The following DOCK11 variants were observed in gnomAD, a reference collection of about 807,000 sequenced individuals.
The protein encoded by DOCK11 is dedicator of cytokinesis protein 11.
Under a neutral mutation model 169.1 loss-of-function variants are expected in DOCK11, and 70 were observed. The ratio of observed to expected loss-of-function variants is 0.41; its 90% CI spans 0.34 to 0.51. The LOEUF (loss-of-function observed/expected upper bound fraction) is 0.51, where lower values mean the gene tolerates loss of function less well. Ranked by LOEUF, DOCK11 falls within the 20% of genes least tolerant of loss-of-function variation. The pLI is 0.10. For synonymous variants in DOCK11, 529 were observed against 541.3 expected (o/e 0.98, Z 0.32); for missense variants, 1,166 against 1,538.8 (o/e 0.76, Z 4.05).
chrX:118,509,766 A>T (rs2057637915), intron 1 of DOCK11, among the ~76,000 whole-genome samples: 1 of 112,452 alleles, frequency 8.9e-6, no homozygotes, highest in Admixed American at 9.4e-5. Flanking sequence ...AATTGGTTTC[A>T]CTGAGCTAAA....
chrX:118,647,664 T>C (rs2015737176), intron 40 of DOCK11, among the ~76,000 whole-genome samples: 1 of 53,375 alleles, frequency 1.9e-5, no homozygotes, highest in African/African-American at 8.0e-5. Context: ...ATATTATATA[T>C]TAATAATTAT....
At position 118,680,118 on chromosome X, in the gene DOCK11, G is replaced by A. The variant is rs189657965; in HGVS notation, c.5461-364G>A. On this transcript the variant is annotated intron_variant, in intron 48 of 52. Transcript: ENST00000276202. Reference sequence around the variant, plus strand: ...ATTTTTGTGTTTTTAGTAGAGACAAGGTTTCACCATGTTGGCCAGGCTGGT... The same window carrying A: ...ATTTTTGTGTTTTTAGTAGAGACAAAGTTTCACCATGTTGGCCAGGCTGGT... 4.3e-3 allele frequency among the ~76,000 whole-genome samples: 469 copies of A among 108,593 alleles called. 4 individuals are homozygous for A. The highest frequency in any genetic ancestry group is 0.014 in the African/African-American group (403 of 29,805). The allele number at this position is 108,593 out of a possible 115,157, so 94.3% of individuals were successfully genotyped here. A position where few individuals can be genotyped will look rare whatever the true frequency, so the allele number is the denominator to read the frequency against.
intron 45 of DOCK11, among the ~76,000 whole-genome samples, chrX:118,670,226 T>C (rs1389648547): frequency 8.9e-6 from 1 of 111,888 alleles, no homozygotes; most frequent in African/African-American, 3.2e-5. Flanking sequence ...AATTCGATTT[T>C]CTAAAGGACA....
In DOCK11 at chrX:118,632,969, T is replaced by TGG. The variant is rs766019635; in HGVS notation, c.3886+2489_3886+2490dup. 298 of 35,797 alleles carry TGG rather than the reference T, an allele frequency of 8.3e-3. 9 individuals carry two copies. Among genetic ancestry groups the TGG allele is most frequent in the African/African-American group, 0.039 (257 of 6,578 alleles). The allele number at this position is 35,797 out of a possible 1,213,427, so 3.0% of individuals were successfully genotyped here. ...TAAGAGAGAAGGTGGTGGGGGGCGGTGGGGGGGGGGGTGAGGGGGGTGGGG... is the reference window on the plus strand; with the variant it reads ...TAAGAGAGAAGGTGGTGGGGGGCGGTGGGGGGGGGGGGGTGAGGGGGGTGGGG... On this transcript the variant is annotated intron_variant, in intron 35 of 52. Transcript: ENST00000276202.
At chrX:118,561,966 G>A (rs913266579) in intron 7 of DOCK11, among the ~76,000 whole-genome samples, 4 of 109,908 alleles carry the variant, frequency 3.6e-5, no homozygotes, top group South Asian at 4.0e-4. Flanking sequence ...AGGAGTTCGA[G>A]ACTAGCCTAG....
At chrX:118,501,319 T>TA (rs200919711) in intron 1 of DOCK11, among the ~76,000 whole-genome samples, 7,391 of 108,294 alleles carry the variant, frequency 0.068, 710 homozygotes, top group African/African-American at 0.23. Flanking sequence ...CGTCTCTACT[T>TA]AAAAAAAAAT....
chrX:118,578,580 A>T lies in DOCK11; in HGVS notation c.1445A>T (p.Glu482Val), dbSNP rs771027322. Residue 482 changes from glutamate to valine, a missense_variant, in exon 13 of 53, where the codon GAA becomes GTA. Glu to Val is a moderately radical substitution (Grantham distance 121). Coordinates refer to ENST00000276202, the MANE Select transcript of DOCK11 (RefSeq NM_144658.4). The part of the protein sequence containing the change: ...HPEIFLVARI[E>V]KVLQGNITHC... ...GAAATTTTTCTAGTTGCCAGAATTG[A>T]AAAGGTACTACAGGGAAACATTACA... The T allele has an allele frequency of 6.6e-6, 8 of 1,205,167 alleles. No homozygotes were observed. Among genetic ancestry groups the T allele is most frequent in the Admixed American group, 4.4e-5 (2 of 45,649 alleles).
intron 31 of DOCK11, among the ~76,000 whole-genome samples, chrX:118,620,963 C>T (rs2014957314): frequency 8.9e-6 from 1 of 112,648 alleles, no homozygotes. Flanking sequence ...TTCTCACCAC[C>T]TAGAGGCAGA....
intron 35 of DOCK11, among the ~76,000 whole-genome samples, chrX:118,634,494 C>T (rs1431637187): frequency 4.5e-5 from 5 of 112,338 alleles, no homozygotes; most frequent in African/African-American, 6.5e-5. Context: ...GGGTGCTCAC[C>T]GTTGGACGCA....
chrX:118,588,336 T>C lies in DOCK11; in HGVS notation c.1980+15T>C. ...CATTTGCCAAGGTAACCATGTAAAC[T>C]ATACATTTTTGGAGTATAAAATGTT... On this transcript the variant is annotated intron_variant, in intron 17 of 52. Transcript: ENST00000276202. The C allele has an allele frequency of 8.6e-7, 1 of 1,163,784 alleles. No individual in the cohort carries two copies. The highest frequency in any genetic ancestry group is 1.1e-6 in the Non-Finnish European group (1 of 871,363).
Position 118,585,037 on chromosome X carries a change from C to T in DOCK11, c.1719-4C>T. 8.3e-7 allele frequency: 1 copy of T among 1,204,429 alleles called. No individual in the cohort carries two copies. Among genetic ancestry groups the T allele is most frequent in the Non-Finnish European group, 1.1e-6 (1 of 889,819 alleles). ...ACTCTAAAATATTATTATTTTATAC[C>T]CAGGCCAGAAAAGACCAAACTGCAG... On this transcript the variant is annotated splice_region_variant and splice_polypyrimidine_tract_variant and intron_variant, in intron 15 of 52. Transcript: ENST00000276202.
chrX:118,657,315 G>A (rs2016098201), intron 44 of DOCK11, among the ~76,000 whole-genome samples: 1 of 111,264 alleles, frequency 9.0e-6, no homozygotes, highest in South Asian at 3.7e-4. Context: ...CACTAATGAG[G>A]AGAAAATGTT....
chrX:118,526,212 G>A (rs72607631), intron 1 of DOCK11, among the ~76,000 whole-genome samples: 3,730 of 111,803 alleles, frequency 0.033, 206 homozygotes, highest in East Asian at 0.27. Flanking sequence ...ATGAGCCAGG[G>A]CTTTCAAGTC....
intron 6 of DOCK11, among the ~76,000 whole-genome samples, chrX:118,560,693 A>T (rs750294444): frequency 8.9e-6 from 1 of 112,111 alleles, no homozygotes; most frequent in African/African-American, 3.2e-5. Context: ...GCATGAACTC[A>T]TCAGGCAGTC....
chrX:118,670,941 C>T, intron 45 of DOCK11, 82 bp from the exon 46 acceptor site: 3 of 985,010 alleles, frequency 3.0e-6, no homozygotes, highest in East Asian at 3.2e-5. Context: ...TGTTTTCTAC[C>T]AACTTGAAAT....
At chrX:118,525,675 A>C (rs909406441) in intron 1 of DOCK11, among the ~76,000 whole-genome samples, 1 of 111,733 alleles carries the variant, frequency 8.9e-6, no homozygotes, top group African/African-American at 3.3e-5. Context: ...TACTTAACGA[A>C]GTATATACTT....
At position 118,496,025 on chromosome X, in the gene DOCK11, T is replaced by A; in HGVS notation, c.54T>A (p.Ala18=). 2 of 1,094,252 alleles carry A rather than the reference T, an allele frequency of 1.8e-6. No individual in the cohort carries two copies. Among genetic ancestry groups the A allele is most frequent in the East Asian group, 8.0e-5 (2 of 24,867 alleles). 90.2% of individuals were successfully genotyped at this position (1,094,252 alleles called of 1,213,427 possible). A position where few individuals can be genotyped will look rare whatever the true frequency, so the allele number is the denominator to read the frequency against. The change falls in exon 1 of 53, where the codon GCT becomes GCA. Residue 18 remains alanine (A), a synonymous_variant. Coordinates refer to ENST00000276202, the MANE Select transcript of DOCK11 (RefSeq NM_144658.4). Reference sequence around the variant, plus strand: ...GGCTCAGCAAGCCTGGCACGGCGGCTGAGCTCCGGCAGAGCGTGTCTGAGG... The same window carrying A: ...GGCTCAGCAAGCCTGGCACGGCGGCAGAGCTCCGGCAGAGCGTGTCTGAGG... ...TKRLSKPGTA[A]ELRQSVSEAV...
intron 36 of DOCK11, 142 bp from the exon 37 acceptor site, chrX:118,637,938 G>C: frequency 2.2e-6 from 1 of 455,862 alleles, no homozygotes; most frequent in South Asian, 4.3e-5. Context: ...AATTATCTAT[G>C]TATTTCTGTA....
chrX:118,509,734 G>A (rs745464676), intron 1 of DOCK11, among the ~76,000 whole-genome samples: 1 of 112,481 alleles, frequency 8.9e-6, no homozygotes, highest in Non-Finnish European at 1.9e-5. Context: ...ATGTGTTCCA[G>A]TTCTAGAGAT....
Sources: allele counts gnomAD v4.1 joint callset (sites outside exome capture counted in the v4.1 genomes callset), GRCh38; gene constraint gnomAD v4.1.1; transcripts MANE v1.5; gene names NCBI Gene and HGNC (gene_info 2026-07-23, HGNC 2026-07-21).